FNBP1: variants seen among roughly 807,000 people sequenced by gnomAD.
FNBP1 encodes the protein formin-binding protein 1.
In FNBP1, 26 loss-of-function variants were observed where a neutral mutation model predicts 90.6. The ratio of observed to expected loss-of-function variants is 0.29; its 90% CI spans 0.21 to 0.40. The LOEUF is 0.40. Among genes scored for constraint, FNBP1 ranks in the 10% least tolerant of loss-of-function variants. The probability of loss-of-function intolerance (pLI) is 1.00; values close to 1 mark genes in which losing one functional copy is unlikely to be tolerated. For synonymous variants in FNBP1, 260 were observed against 265.2 expected (o/e 0.98, Z 0.19); for missense variants, 635 against 768.0 (o/e 0.83, Z 2.05).
At chr9:129,895,814 G>C (rs778762067) in intron 16 of FNBP1, 24 bp downstream of exon 16, 1 of 1,486,314 alleles carries the variant, frequency 6.7e-7, no homozygotes, top group Non-Finnish European at 9.0e-7. Flanking sequence ...TTTTTTTTAT[G>C]GTATTAAATA....
intron 1 of FNBP1, among the ~76,000 whole-genome samples, chr9:130,010,414 A>C (rs2056390527): frequency 6.6e-6 from 1 of 152,106 alleles, no homozygotes; most frequent in South Asian, 2.1e-4. Flanking sequence ...CTCCCAAAAA[A>C]ACCCGGATAC....
At position 130,025,333 on chromosome 9, in the gene FNBP1, T is replaced by C. The variant is rs2058242662; in HGVS notation, c.24+17619A>G. Among the ~76,000 whole-genome samples, 4 of 152,204 alleles carry C rather than the reference T, an allele frequency of 2.6e-5. No individual in the cohort carries two copies. In the South Asian group the frequency reaches 8.3e-4, roughly 31 times the overall value. Reference sequence around the variant, plus strand: ...GTTGAACCCTTTACAAACCTCCTGTTAACATTAGCATTTATTTGAGCTACA... The same window carrying C: ...GTTGAACCCTTTACAAACCTCCTGTCAACATTAGCATTTATTTGAGCTACA... On this transcript the variant is annotated intron_variant, in intron 1 of 16. Coordinates refer to ENST00000446176, the MANE Select transcript of FNBP1 (RefSeq NM_015033.3).
chr9:130,036,161 T>G (rs1244616655), intron 1 of FNBP1, among the ~76,000 whole-genome samples: 1 of 152,240 alleles, frequency 6.6e-6, no homozygotes. Context: ...CTAATTAGAT[T>G]AATTTCCCAG....
At chr9:129,936,236 C>T (rs7022657) in intron 6 of FNBP1, 137,583 of 152,282 alleles carry the variant, frequency 0.9, 62,280 homozygotes, top group Non-Finnish European at 0.92. Flanking sequence ...TAGTATTTAA[C>T]GTCGTTATCA....
At chr9:129,915,925 C>T in intron 11 of FNBP1, 41 bp downstream of exon 11, 1 of 1,536,228 alleles carries the variant, frequency 6.5e-7, no homozygotes, top group Admixed American at 1.7e-5. Flanking sequence ...CGCCAGAAAA[C>T]CTGATTAGAC....
intron 4 of FNBP1, among the ~76,000 whole-genome samples, chr9:129,976,229 T>C (rs1485657340): frequency 9.9e-5 from 15 of 152,134 alleles, no homozygotes; most frequent in African/African-American, 7.2e-5. Context: ...TCATTCTTCG[T>C]TGGGGAGCTG....
At chr9:129,939,821 T>G (rs1466510066) in intron 6 of FNBP1, among the ~76,000 whole-genome samples, 2 of 152,054 alleles carry the variant, frequency 1.3e-5, no homozygotes, top group East Asian at 3.9e-4. Context: ...ATAATATAAA[T>G]GCACAAGGAA....
Position 129,927,264 on chromosome 9 carries a change from C to A in FNBP1, c.720G>T (p.Gln240His), listed in dbSNP as rs769825547. The A allele has an allele frequency of 6.2e-7, 1 of 1,613,664 alleles. No homozygotes were observed. Among genetic ancestry groups the A allele is most frequent in the South Asian group, 1.1e-5 (1 of 91,054 alleles). The change falls in exon 8 of 17, where the codon CAG becomes CAT. Residue 240 changes from glutamine (Q) to histidine (H), a missense_variant. Transcript: ENST00000446176. ...GGCACTTCCCAATGATTGGGATCAC[C>A]TGCCGATCAACCTCTGCATATGTCT... The part of the protein sequence containing the change: ...SMKTYAEVDR[Q>H]VIPIIGKCLD...
chr9:129,939,727 G>C (rs2044048416), intron 6 of FNBP1, among the ~76,000 whole-genome samples: 1 of 152,072 alleles, frequency 6.6e-6, no homozygotes, highest in African/African-American at 2.4e-5. Context: ...TCACTGGGGG[G>C]ATACTTCTAC....
intron 12 of FNBP1, among the ~76,000 whole-genome samples, chr9:129,903,788 C>G (rs1374942507): frequency 6.6e-6 from 1 of 152,150 alleles, no homozygotes; most frequent in African/African-American, 2.4e-5. Flanking sequence ...GCCTCGGCCT[C>G]CCAAAGTGCT....
chr9:130,053,765 G>A, the FNBP1 span: 1 of 638,420 alleles, frequency 1.6e-6, no homozygotes, highest in Non-Finnish European at 2.7e-6. Flanking sequence ...CCCCGAGGTG[G>A]GCAGCACAGG....
intron 1 of FNBP1, among the ~76,000 whole-genome samples, chr9:130,005,819 G>A (rs1234162339): frequency 6.6e-6 from 1 of 152,098 alleles, no homozygotes; most frequent in Non-Finnish European, 1.5e-5. Flanking sequence ...CAAACACTAT[G>A]GTGACTTAGG....
intron 6 of FNBP1, among the ~76,000 whole-genome samples, chr9:129,937,936 G>T (rs960146830): frequency 6.6e-6 from 1 of 152,090 alleles, no homozygotes; most frequent in Non-Finnish European, 1.5e-5. Context: ...GCTGAGGTGG[G>T]CATGTCAGTT....
chr9:129,982,685 A>C (rs1385673465), intron 2 of FNBP1, among the ~76,000 whole-genome samples: 3 of 152,032 alleles, frequency 2.0e-5, no homozygotes, highest in African/African-American at 7.2e-5. Flanking sequence ...TTTTAGAGAC[A>C]GGGTCTTGTT....
rs560708765 is a variant in FNBP1 at position 130,006,649 on chromosome 9, G to A, written c.25-11691C>T. On this transcript the variant is annotated intron_variant, in intron 1 of 16. Coordinates refer to ENST00000446176, the MANE Select transcript of FNBP1 (RefSeq NM_015033.3). ...GGTGCCACTGCACTCCAGCCTGGGC[G>A]ACAGAGGAAGACTTCGTCTCAAATA... Among the ~76,000 whole-genome samples the A allele has an allele frequency of 5.9e-5, 9 of 152,056 alleles. No individual in the cohort carries two copies. The East Asian group carries it at 7.8e-4, about 13-fold the overall frequency.
intron 4 of FNBP1, among the ~76,000 whole-genome samples, chr9:129,962,408 T>C (rs927954487): frequency 1.3e-5 from 2 of 152,164 alleles, no homozygotes; most frequent in African/African-American, 4.8e-5. Context: ...GCATTGGTGT[T>C]AGGGGTGCAC....
chr9:130,028,687 C>T (rs1005843585), intron 1 of FNBP1, among the ~76,000 whole-genome samples: 1 of 152,178 alleles, frequency 6.6e-6, no homozygotes, highest in African/African-American at 2.4e-5. Context: ...CTTTGGCAAA[C>T]AGAGTGCAGA....
At chr9:129,941,375 C>T (rs905276554) in intron 6 of FNBP1, among the ~76,000 whole-genome samples, 7 of 151,926 alleles carry the variant, frequency 4.6e-5, no homozygotes, top group African/African-American at 7.3e-5. Flanking sequence ...GGCAACAGAG[C>T]GAGACGCCAT....
chr9:130,007,576 A>G (rs1326833653), intron 1 of FNBP1, among the ~76,000 whole-genome samples: 1 of 152,204 alleles, frequency 6.6e-6, no homozygotes, highest in Non-Finnish European at 1.5e-5. Context: ...AAAAGCAGCA[A>G]TAAACTTCTA....
Sources: gnomAD v4.1 joint callset for allele counts (sites outside exome capture counted in the v4.1 genomes callset) on GRCh38, gnomAD v4.1.1 for gene constraint, MANE v1.5 for transcripts, NCBI Gene and HGNC (gene_info 2026-07-23, HGNC 2026-07-21) for gene names.